COBL: variants seen among roughly 807,000 people sequenced by gnomAD.
COBL encodes cordon-bleu WH2 repeat protein, also known as protein cordon-bleu.
A neutral mutation model predicts 98.8 loss-of-function variants in COBL; 51 were observed. The observed-to-expected ratio is 0.52, with a 90% CI of 0.41 to 0.65. The LOEUF (loss-of-function observed/expected upper bound fraction) is 0.65, where lower values mean the gene tolerates loss of function less well. COBL is among the 30% of genes least tolerant of loss of function. COBL has a pLI of 0.00. For synonymous variants in COBL, 634 were observed against 651.7 expected (o/e 0.97, Z 0.41); for missense variants, 1,617 against 1,617.5 (o/e 1.00, Z 0.01).
chr7:51,214,953 A>C (rs1792883762), intron 2 of COBL, among the ~76,000 whole-genome samples: 1 of 152,056 alleles, frequency 6.6e-6, no homozygotes, highest in Non-Finnish European at 1.5e-5. Flanking sequence ...GCCTAGCTTC[A>C]AGCAATATTG....
chr7:51,120,956 A>T (rs1361712570), intron 6 of COBL, among the ~76,000 whole-genome samples: 3 of 152,304 alleles, frequency 2.0e-5, no homozygotes, highest in East Asian at 3.9e-4. Context: ...TTCAGCTATT[A>T]TGAATCATGC....
At chr7:51,168,605 A>G (rs1787561281) in intron 5 of COBL, among the ~76,000 whole-genome samples, 1 of 152,242 alleles carries the variant, frequency 6.6e-6, no homozygotes, top group African/African-American at 2.4e-5. Context: ...TATATCCAAA[A>G]GACAGGCAAA....
intron 5 of COBL, among the ~76,000 whole-genome samples, chr7:51,141,838 G>A (rs1327586903): frequency 6.6e-6 from 1 of 152,122 alleles, no homozygotes; most frequent in African/African-American, 2.4e-5. Context: ...TCCTGGTGAG[G>A]TGAGAATGGG....
chr7:51,311,818 A>G (rs1803073897), intron 1 of COBL, among the ~76,000 whole-genome samples: 1 of 152,214 alleles, frequency 6.6e-6, no homozygotes, highest in Admixed American at 6.5e-5. Flanking sequence ...ATATAAACCA[A>G]TAACTACAGT....
At chr7:51,218,578 A>T (rs966026913) in intron 2 of COBL, among the ~76,000 whole-genome samples, 5 of 152,198 alleles carry the variant, frequency 3.3e-5, no homozygotes, top group Non-Finnish European at 7.3e-5. Context: ...GGTTCAAGCA[A>T]TTATCCTGCC....
intron 6 of COBL, among the ~76,000 whole-genome samples, chr7:51,125,646 T>C (rs1798126275): frequency 6.6e-6 from 1 of 152,164 alleles, no homozygotes; most frequent in Admixed American, 6.5e-5. Context: ...ACAGTCCCTA[T>C]CTTGTGGGGA....
intron 1 of COBL, among the ~76,000 whole-genome samples, chr7:51,229,250 C>T (rs1033630598): frequency 3.9e-5 from 6 of 152,338 alleles, no homozygotes; most frequent in Non-Finnish European, 5.9e-5. Flanking sequence ...ATGTGCCACC[C>T]GATGCAGCTT....
chr7:51,156,313 A>G, intron 5 of COBL: 1 of 985,298 alleles, frequency 1.0e-6, no homozygotes, highest in Non-Finnish European at 1.2e-6. Flanking sequence ...ATGTCCAGAC[A>G]GTAGTTATTC....
intron 1 of COBL, among the ~76,000 whole-genome samples, chr7:51,309,365 C>T (rs1802804432): frequency 6.6e-6 from 1 of 152,196 alleles, no homozygotes; most frequent in African/African-American, 2.4e-5. Context: ...GGGAACGCTG[C>T]ACCCCAACAC....
At chr7:51,126,627 C>G (rs2128995874) in intron 6 of COBL, among the ~76,000 whole-genome samples, 1 of 152,210 alleles carries the variant, frequency 6.6e-6, no homozygotes, top group East Asian at 1.9e-4. Context: ...CGTGGGACTC[C>G]TCTCATTCAC....
chr7:51,027,583 C>T (rs1787698366), intron 10 of COBL, 129 bp downstream of exon 10: 7 of 766,862 alleles, frequency 9.1e-6, no homozygotes, highest in Non-Finnish European at 1.3e-5. Flanking sequence ...AAAATGAAAC[C>T]TGTGTGGTAA....
At chr7:51,202,089 C>G (rs905975607) in intron 2 of COBL, among the ~76,000 whole-genome samples, 26 of 152,110 alleles carry the variant, frequency 1.7e-4, no homozygotes, top group African/African-American at 6.0e-4. Context: ...TTTCAGTCAC[C>G]CTTACTTTAC....
At chr7:51,017,725 A>C (rs1235013222) in intron 12 of COBL, among the ~76,000 whole-genome samples, 157 bp from the exon 13 acceptor site, 1 of 152,096 alleles carries the variant, frequency 6.6e-6, no homozygotes, top group Non-Finnish European at 1.5e-5. Flanking sequence ...GGCTGTGATC[A>C]GGGCTGTCCT....
rs763150379 is a variant in COBL, at chr7:51,043,637, C to T, written c.1152G>A (p.Val384=). 20 of 1,614,220 alleles carry T rather than the reference C, an allele frequency of 1.2e-5. No individual in the cohort carries two copies. The highest frequency in any genetic ancestry group is 3.3e-5 in the Admixed American group (2 of 60,026). ...SHCSPDGAPQ[V]LSEAEETVSV... ...ACACGGTCTCCTCCGCCTCTGACAGCACCTGCGGGGCTCCATCCGGGCTGC... is the reference window on the plus strand; with the variant it reads ...ACACGGTCTCCTCCGCCTCTGACAGTACCTGCGGGGCTCCATCCGGGCTGC... The change falls in exon 8 of 13, where the codon GTG becomes GTA. Residue 384 remains valine (V), a synonymous_variant. Coordinates refer to ENST00000265136, the MANE Select transcript of COBL (RefSeq NM_015198.5).
At chr7:51,022,264 T>G (rs1019405409) in intron 12 of COBL, among the ~76,000 whole-genome samples, 1 of 152,122 alleles carries the variant, frequency 6.6e-6, no homozygotes, top group Non-Finnish European at 1.5e-5. Flanking sequence ...CCTAGAACTT[T>G]CCAGGGTGGA....
rs149652199 is a variant in COBL, at chr7:51,028,776, T to G, written c.2320A>C (p.Asn774His). The G allele has an allele frequency of 7.3e-4, 1,181 of 1,614,214 alleles. 11 individuals are homozygous for G. The African/African-American group carries it at 0.014, about 19-fold the overall frequency. ...CGGCCCAGGTGTTTTTCCACAGAGTTGCACCTCCAGAACTCTCTGACTTTC... is the reference window on the plus strand; with the variant it reads ...CGGCCCAGGTGTTTTTCCACAGAGTGGCACCTCCAGAACTCTCTGACTTTC... ...IGKVREFWRC[N>H]SVEKHLGRPS... Residue 774 changes from asparagine (N) to histidine (H), a missense_variant, in exon 10 of 13, where the codon AAC (asparagine) becomes CAC (histidine). Transcript: ENST00000265136.
chr7:51,262,533 C>A (rs1226896218), intron 1 of COBL, among the ~76,000 whole-genome samples: 3 of 152,130 alleles, frequency 2.0e-5, no homozygotes, highest in Non-Finnish European at 4.4e-5. Context: ...GTTAGGACAG[C>A]CTAGTAAGAG....
chr7:51,043,662 C>T lies in COBL; in HGVS notation c.1127G>A (p.Cys376Tyr). The T allele has an allele frequency of 6.2e-7, 1 of 1,613,976 alleles. No homozygotes were observed. Among genetic ancestry groups the T allele is most frequent in the Non-Finnish European group, 8.5e-7 (1 of 1,180,012 alleles). ...VSLPLGSGSH[C>Y]SPDGAPQVLS... is the part of the protein sequence containing the mutation. The stretch of plus-strand genomic sequence containing the variant: ...CACCTGCGGGGCTCCATCCGGGCTG[C>T]AGTGGCTGCCAGACCCCAGGGGCAG... The change falls in exon 8 of 13, where the codon TGC becomes TAC. Residue 376 changes from cysteine (C) to tyrosine (Y), a missense_variant. Cys to Tyr is a radical substitution (Grantham distance 194, BLOSUM62 -2). Transcript: ENST00000265136.
At chr7:51,260,010 T>C (rs971294867) in intron 1 of COBL, 8 of 764,280 alleles carry the variant, frequency 1.0e-5, no homozygotes, top group Admixed American at 7.4e-5. Flanking sequence ...ATAGGAATGA[T>C]TCCAGTCGTT....
Sources: allele counts gnomAD v4.1 joint callset (sites outside exome capture counted in the v4.1 genomes callset), GRCh38; gene constraint gnomAD v4.1.1; transcripts MANE v1.5; gene names NCBI Gene and HGNC (gene_info 2026-07-23, HGNC 2026-07-21).